Variants in SDF2 observed in about 807,000 individuals in gnomAD.
SDF2 encodes stromal cell-derived factor 2.
A neutral mutation model predicts 20.5 loss-of-function variants in SDF2; 12 were observed. That is an observed-to-expected ratio of 0.58 (90% CI 0.37 to 0.95). SDF2 has a LOEUF of 0.95. Among genes scored for constraint, SDF2 ranks in the 40% least tolerant of loss-of-function variants. The pLI is 0.01. For synonymous variants in SDF2, 100 were observed against 101.0 expected, an observed-to-expected ratio of 0.99 and a Z score of 0.06; for missense variants, 238 against 263.1, an observed-to-expected ratio of 0.90 and a Z score of 0.66.
intron 1 of SDF2, among the ~76,000 whole-genome samples, chr17:28,660,302 G>A (rs1028269700): frequency 9.2e-5 from 14 of 152,232 alleles, no homozygotes; most frequent in African/African-American, 3.1e-4. Flanking sequence ...ATTGTTGAGG[G>A]TCAGGACAAA....
chr17:28,659,691 G>A (rs1269765565), intron 1 of SDF2, among the ~76,000 whole-genome samples: 1 of 147,398 alleles, frequency 6.8e-6, no homozygotes, highest in African/African-American at 2.5e-5. Flanking sequence ...GTGATGGCCG[G>A]GCAGAGGTGC....
intron 1 of SDF2, among the ~76,000 whole-genome samples, chr17:28,658,229 G>A (rs1223991286): frequency 6.6e-6 from 1 of 150,478 alleles, no homozygotes; most frequent in Non-Finnish European, 1.5e-5. Flanking sequence ...TCTATGCCTG[G>A]CCTTCATCTG....
chr17:28,655,190 A>T, intron 2 of SDF2, 97 bp downstream of exon 2: 1 of 1,203,824 alleles, frequency 8.3e-7, no homozygotes, highest in Non-Finnish European at 1.2e-6. Context: ...AAAAGAGAAC[A>T]TCTACACCTA....
At chr17:28,661,398 T>C (rs1344557268) in intron 1 of SDF2, among the ~76,000 whole-genome samples, 1 of 152,248 alleles carries the variant, frequency 6.6e-6, no homozygotes, top group African/African-American at 2.4e-5. Flanking sequence ...ATTTGCTAAC[T>C]GCAAGGCTTT....
chr17:28,655,495 A>G lies in SDF2; in HGVS notation c.152-12T>C, dbSNP rs368337665. On this transcript the variant is annotated splice_polypyrimidine_tract_variant and intron_variant, in intron 1 of 2. Transcript: ENST00000247020. ...CTGCTGCCCACTACCTGCAGTTAAG[A>G]AAAGAAAGGCAACTCTCTTTCTCTG... The G allele has an allele frequency of 1.5e-5, 24 of 1,570,234 alleles. No homozygotes were observed. In the African/African-American group the frequency reaches 1.6e-4, roughly 11 times the overall value.
chr17:28,657,410 T>C (rs1254620949), intron 1 of SDF2, among the ~76,000 whole-genome samples: 1 of 151,904 alleles, frequency 6.6e-6, no homozygotes, highest in Non-Finnish European at 1.5e-5. Flanking sequence ...ATGTATTTTT[T>C]TTTTTTGATA....
chr17:28,650,256 C>T (rs1266321559), intron 2 of SDF2, among the ~76,000 whole-genome samples: 3 of 151,886 alleles, frequency 2.0e-5, no homozygotes, highest in Admixed American at 1.3e-4. Flanking sequence ...CCGGCCACTC[C>T]AGTGTTGTTT....
chr17:28,661,668 G>A (rs1330780349), intron 1 of SDF2, 58 bp downstream of exon 1: 16 of 1,563,844 alleles, frequency 1.0e-5, no homozygotes, highest in South Asian at 1.1e-5. Flanking sequence ...TATAGGCCCC[G>A]CCCCTCCAGA....
At chr17:28,660,757 G>A (rs1270586989) in intron 1 of SDF2, 1 of 159,642 alleles carries the variant, frequency 6.3e-6, no homozygotes, top group African/African-American at 2.4e-5. Context: ...TCATGAACCA[G>A]ACTAGCCCAC....
intron 2 of SDF2, among the ~76,000 whole-genome samples, chr17:28,654,748 G>A (rs573430268): frequency 1.8e-4 from 27 of 152,058 alleles, no homozygotes; most frequent in Admixed American, 1.4e-3. Flanking sequence ...TCAGGAGTTC[G>A]AGACCAGCCT....
chr17:28,661,007 G>C (rs2072029047), intron 1 of SDF2: 2 of 305,914 alleles, frequency 6.5e-6, no homozygotes, highest in Non-Finnish European at 6.3e-6. Context: ...TTCTAGCCAT[G>C]TAGTAGGAAC....
intron 2 of SDF2, among the ~76,000 whole-genome samples, chr17:28,654,435 A>G (rs1309038652): frequency 1.3e-5 from 2 of 151,086 alleles, no homozygotes; most frequent in Non-Finnish European, 2.9e-5. Flanking sequence ...ATGCTGATGT[A>G]TACCCAGTCT....
At chr17:28,654,093 T>C (rs981855845) in intron 2 of SDF2, among the ~76,000 whole-genome samples, 2 of 151,900 alleles carry the variant, frequency 1.3e-5, no homozygotes, top group Non-Finnish European at 1.5e-5. Flanking sequence ...GGCAGATAGC[T>C]TGAGCTCAGG....
At chr17:28,660,521 T>G (rs1385182120) in intron 1 of SDF2, 1 of 152,364 alleles carries the variant, frequency 6.6e-6, no homozygotes, top group Non-Finnish European at 1.5e-5. Flanking sequence ...TGGCTGTCCA[T>G]CAGAACCACC....
At chr17:28,661,082 C>CT (rs1555546142) in intron 1 of SDF2, 2 of 333,762 alleles carry the variant, frequency 6.0e-6, no homozygotes, top group Non-Finnish European at 5.3e-6. Flanking sequence ...ATTTCAAACG[C>CT]TAAAAAAAAA....
intron 2 of SDF2, among the ~76,000 whole-genome samples, chr17:28,651,141 GCT>G (rs1469931595): frequency 6.6e-6 from 1 of 152,048 alleles, no homozygotes; most frequent in African/African-American, 2.4e-5. Context: ...CACAATCTCG[GCT>G]CTCTGCAACC....
intron 2 of SDF2, among the ~76,000 whole-genome samples, chr17:28,650,588 C>G (rs1407612664): frequency 6.6e-6 from 1 of 151,318 alleles, no homozygotes; most frequent in Non-Finnish European, 1.5e-5. Flanking sequence ...GAGTTCAAGA[C>G]CAGCCTGGCC....
intron 1 of SDF2, among the ~76,000 whole-genome samples, chr17:28,659,072 GCTC>G (rs2071995062): frequency 1.4e-5 from 2 of 144,802 alleles, no homozygotes; most frequent in South Asian, 4.4e-4. Flanking sequence ...AGGCAGAGGT[GCTC>G]CTCAACTCCC....
intron 2 of SDF2, among the ~76,000 whole-genome samples, chr17:28,653,143 A>G (rs2071928674): frequency 6.6e-6 from 1 of 152,230 alleles, no homozygotes; most frequent in African/African-American, 2.4e-5. Context: ...CAAAAAGTGC[A>G]TGGAAAGGGG....
Sources: gnomAD v4.1 joint callset for allele counts (sites outside exome capture counted in the v4.1 genomes callset) on GRCh38, gnomAD v4.1.1 for gene constraint, MANE v1.5 for transcripts, NCBI Gene and HGNC (gene_info 2026-07-23, HGNC 2026-07-21) for gene names.